The following MGRN1 variants were observed in gnomAD, a reference collection of about 807,000 sequenced individuals.
The protein encoded by MGRN1 is E3 ubiquitin-protein ligase MGRN1.
MGRN1 carries 29 observed loss-of-function variants against 69.2 expected under a neutral mutation model. The observed-to-expected ratio is 0.42, with a 90% CI of 0.31 to 0.57. The LOEUF is 0.57. Among genes scored for constraint, MGRN1 ranks in the 20% least tolerant of loss-of-function variants. MGRN1 has a pLI of 0.15. For missense variants in MGRN1, 998 were observed against 796.2 expected, an observed-to-expected ratio of 1.25 and a Z score of -3.05; for synonymous variants, 470 against 344.2, an observed-to-expected ratio of 1.37 and a Z score of -4.04.
intron 1 of MGRN1, among the ~76,000 whole-genome samples, chr16:4,629,535 T>C (rs904460973): frequency 1.3e-5 from 2 of 151,182 alleles, no homozygotes; most frequent in African/African-American, 4.9e-5. Context: ...GGTAAAGAGA[T>C]TGAGACCATC....
chr16:4,657,391 C>G (rs2078570621), intron 5 of MGRN1, 28 bp downstream of exon 5: 1 of 1,593,310 alleles, frequency 6.3e-7, no homozygotes, highest in South Asian at 1.1e-5. Context: ...GCTCCTTGCC[C>G]TTCGCTCCTC....
At chr16:4,642,464 A>C in intron 1 of MGRN1, among the ~76,000 whole-genome samples, 1 of 124,192 alleles carries the variant, frequency 8.1e-6, no homozygotes, top group South Asian at 2.5e-4. Context: ...CGGCCAGCTA[A>C]TTTGTGTGTG....
intron 16 of MGRN1, chr16:4,688,244 C>T (rs2079378206): frequency 4.1e-6 from 4 of 985,800 alleles, no homozygotes; most frequent in Non-Finnish European, 1.2e-6. Context: ...GGACGCCAGA[C>T]CCATCTGGGG....
intron 1 of MGRN1, chr16:4,640,209 ACT>A (rs1280667470): frequency 2.0e-5 from 3 of 152,184 alleles, no homozygotes; most frequent in Non-Finnish European, 4.4e-5. Flanking sequence ...TTCTTGGCTC[ACT>A]CTGTGGCCTG....
chr16:4,654,165 C>T (rs571761944), intron 4 of MGRN1, among the ~76,000 whole-genome samples: 1 of 152,272 alleles, frequency 6.6e-6, no homozygotes, highest in South Asian at 2.1e-4. Flanking sequence ...AGCCAAGAGT[C>T]ACCTCACTGG....
At chr16:4,627,627 A>G (rs1897749691) in intron 1 of MGRN1, among the ~76,000 whole-genome samples, 1 of 151,428 alleles carries the variant, frequency 6.6e-6, no homozygotes, top group Non-Finnish European at 1.5e-5. Context: ...CTCTACTAAA[A>G]ATACAAAAAA....
At chr16:4,688,581 C>G in intron 16 of MGRN1, 1 of 1,300,874 alleles carries the variant, frequency 7.7e-7, no homozygotes, top group Non-Finnish European at 9.8e-7. Flanking sequence ...GATCTGGGAT[C>G]GTCTGTCCCA....
At chr16:4,637,344 C>T (rs974329879) in intron 1 of MGRN1, among the ~76,000 whole-genome samples, 6 of 150,778 alleles carry the variant, frequency 4.0e-5, no homozygotes, top group South Asian at 4.2e-4. Flanking sequence ...GCAGGAGAAT[C>T]GCTTGAACCT....
rs2079401003 is a variant in MGRN1, at chr16:4,689,040, T to C, written c.*132T>C. 1 of 1,252,336 alleles carries C rather than the reference T, an allele frequency of 8.0e-7. No homozygotes were observed. The highest frequency in any genetic ancestry group is 1.1e-6 in the Non-Finnish European group (1 of 934,344). 77.6% of individuals were successfully genotyped at this position (1,252,336 alleles called of 1,614,324 possible). A position where few individuals can be genotyped will look rare whatever the true frequency, so the allele number is the denominator to read the frequency against. Reference sequence around the variant, plus strand: ...GCCACCAGGCTCCGAGGGGCCGTGGTGACTCTTGATCAAAGAGCACAGTGA... The same window carrying C: ...GCCACCAGGCTCCGAGGGGCCGTGGCGACTCTTGATCAAAGAGCACAGTGA... On this transcript the variant is annotated 3_prime_UTR_variant, in exon 17 of 17. Transcript: ENST00000262370.
chr16:4,656,438 G>A (rs189613220), intron 4 of MGRN1, among the ~76,000 whole-genome samples: 116 of 152,340 alleles, frequency 7.6e-4, no homozygotes, highest in Non-Finnish European at 1.2e-3. Context: ...AGAGAGACCC[G>A]CGCTGCATGT....
At chr16:4,678,112 G>T (rs2079093462) in intron 11 of MGRN1, among the ~76,000 whole-genome samples, 1 of 152,218 alleles carries the variant, frequency 6.6e-6, no homozygotes, top group Non-Finnish European at 1.5e-5. Context: ...CTCCCACAGT[G>T]CTGGGATTAC....
At chr16:4,656,289 G>C (rs953892923) in intron 4 of MGRN1, among the ~76,000 whole-genome samples, 3 of 152,250 alleles carry the variant, frequency 2.0e-5, no homozygotes, top group African/African-American at 7.2e-5. Flanking sequence ...GTGACCATCT[G>C]CTGGTGTCCC....
At chr16:4,642,388 C>T (rs907873376) in intron 1 of MGRN1, among the ~76,000 whole-genome samples, 1 of 152,010 alleles carries the variant, frequency 6.6e-6, no homozygotes, top group Non-Finnish European at 1.5e-5. Flanking sequence ...ACCTTCGTCT[C>T]CTGAGTTCAA....
At chr16:4,662,762 C>T (rs2078711418) in intron 5 of MGRN1, among the ~76,000 whole-genome samples, 1 of 152,202 alleles carries the variant, frequency 6.6e-6, no homozygotes, top group Admixed American at 6.5e-5. Context: ...TTCCGCTGCC[C>T]ACTTCACGGG....
At chr16:4,653,126 CCG>C (rs1257819072) in intron 4 of MGRN1, among the ~76,000 whole-genome samples, 1 of 152,214 alleles carries the variant, frequency 6.6e-6, no homozygotes, top group African/African-American at 2.4e-5. Context: ...TCATAAGCCC[CCG>C]CTGTCACCTG....
chr16:4,664,735 G>A lies in MGRN1; in HGVS notation c.588G>A (p.Val196=), dbSNP rs777231623. The change falls in exon 6 of 17, where the codon GTG becomes GTA. Residue 196 remains valine, a synonymous_variant. Coordinates refer to ENST00000262370, the MANE Select transcript of MGRN1 (RefSeq NM_015246.4). ...TGAACTTTGACCTGGACCGGGGCGT[G>A]TTTCCAGTAGTCATCCAGGCTGTGG... ...DELNFDLDRG[V]FPVVIQAVVD... 21 of 1,614,214 alleles carry A rather than the reference G, an allele frequency of 1.3e-5. No homozygotes were observed. The South Asian group carries it at 2.3e-4, about 18-fold the overall frequency.
rs557406158 is a variant in MGRN1 at position 4,684,678 on chromosome 16, A to T, written c.1618+746A>T. 2.0e-5 allele frequency among the ~76,000 whole-genome samples: 3 copies of T among 152,356 alleles called. No individual in the cohort carries two copies. The East Asian group carries it at 5.8e-4, about 29-fold the overall frequency. ...CACCTTCGTGCTCTGCTCTGCTGGGATAAGATCCTCAGTTTCGAATCCTAA... is the reference window on the plus strand; with the variant it reads ...CACCTTCGTGCTCTGCTCTGCTGGGTTAAGATCCTCAGTTTCGAATCCTAA... On this transcript the variant is annotated intron_variant, in intron 16 of 16. Transcript: ENST00000262370.
chr16:4,653,544 A>G (rs1034161508), intron 4 of MGRN1, among the ~76,000 whole-genome samples: 1 of 152,244 alleles, frequency 6.6e-6, no homozygotes, highest in African/African-American at 2.4e-5. Flanking sequence ...GCTGGCGTGC[A>G]GTGGCACAAT....
chr16:4,680,091 G>A lies in MGRN1; in HGVS notation c.1125G>A (p.Arg375=). Residue 375 remains arginine, a synonymous_variant, in exon 12 of 17, where the codon AGG becomes AGA. Coordinates refer to ENST00000262370, the MANE Select transcript of MGRN1 (RefSeq NM_015246.4). ...PASLASKKPK[R]ETNSDSVPPG... Reference sequence around the variant, plus strand: ...CCCTGGCCAGCAAGAAACCTAAAAGGGAAACAGTAAGTGTCTGGTCCTCCG... The same window carrying A: ...CCCTGGCCAGCAAGAAACCTAAAAGAGAAACAGTAAGTGTCTGGTCCTCCG... 6.2e-7 allele frequency: 1 copy of A among 1,613,996 alleles called. No homozygotes were observed. Among genetic ancestry groups the A allele is most frequent in the Non-Finnish European group, 8.5e-7 (1 of 1,179,902 alleles).
Sources: allele counts gnomAD v4.1 joint callset (sites outside exome capture counted in the v4.1 genomes callset), GRCh38; gene constraint gnomAD v4.1.1; transcripts MANE v1.5; gene names NCBI Gene and HGNC (gene_info 2026-07-23, HGNC 2026-07-21).